Variants in ATOX1 observed in about 807,000 individuals in gnomAD.
ATOX1 encodes the protein antioxidant 1 copper chaperone, also known as copper transport protein ATOX1.
In ATOX1, 4 loss-of-function variants were observed where a neutral mutation model predicts 7.3. That is an observed-to-expected ratio of 0.55 (90% CI 0.27 to 1.25). The LOEUF (loss-of-function observed/expected upper bound fraction) is 1.25, where lower values mean the gene tolerates loss of function less well. Among genes scored for constraint, ATOX1 ranks in the 50% most tolerant of loss-of-function variants. ATOX1 has a pLI of 0.12. For synonymous variants in ATOX1, 25 were observed against 28.7 expected (o/e 0.87, Z 0.41); for missense variants, 68 against 81.6 (o/e 0.83, Z 0.64).
At chr5:151,749,957 A>G (rs910556835) in intron 2 of ATOX1, among the ~76,000 whole-genome samples, 5 of 152,278 alleles carry the variant, frequency 3.3e-5, no homozygotes, top group African/African-American at 1.2e-4. Flanking sequence ...TGGAAAGTAC[A>G]GCTCAGAGGA....
intron 1 of ATOX1, chr5:151,752,222 A>G: frequency 2.8e-6 from 2 of 702,556 alleles, no homozygotes; most frequent in Non-Finnish European, 5.2e-6. Context: ...CACTAGAGTC[A>G]CCTACAGCTT....
chr5:151,750,830 T>C (rs1303037964), intron 2 of ATOX1, among the ~76,000 whole-genome samples: 2 of 151,668 alleles, frequency 1.3e-5, no homozygotes, highest in Non-Finnish European at 1.5e-5. Flanking sequence ...TTGGTATTTT[T>C]TGTAGAGATG....
chr5:151,751,040 T>C (rs1390191192), intron 2 of ATOX1, among the ~76,000 whole-genome samples: 4 of 151,886 alleles, frequency 2.6e-5, no homozygotes, highest in African/African-American at 9.7e-5. Flanking sequence ...GCAGATCACC[T>C]GAGGTCAGGG....
chr5:151,757,707 C>A (rs1445082119), intron 1 of ATOX1, among the ~76,000 whole-genome samples: 1 of 152,200 alleles, frequency 6.6e-6, no homozygotes, highest in Non-Finnish European at 1.5e-5. Context: ...ACTGCTTTTG[C>A]CTGGCACCTC....
At chr5:151,754,980 CAAAA>C (rs79359321) in intron 1 of ATOX1, among the ~76,000 whole-genome samples, 3 of 48,880 alleles carry the variant, frequency 6.1e-5, no homozygotes, top group East Asian at 5.5e-4. Context: ...AGACACCGTC[CAAAA>C]AAAAAAAAAA....
chr5:151,746,514 G>T (rs536823839), intron 2 of ATOX1, 65 bp from the exon 3 acceptor site: 2 of 1,599,444 alleles, frequency 1.3e-6, no homozygotes, highest in African/African-American at 1.3e-5. Context: ...CAGCAAGAAA[G>T]AGTTCAGGCT....
At chr5:151,756,413 TTTCTC>T (rs940620591) in intron 1 of ATOX1, among the ~76,000 whole-genome samples, 61 of 151,778 alleles carry the variant, frequency 4.0e-4, no homozygotes, top group African/African-American at 5.3e-4. Flanking sequence ...TGCCTATAGT[TTTCTC>T]TTCTCTTCTC....
Position 151,758,560 on chromosome 5 carries a change from C to G in ATOX1, c.-9G>C, listed in dbSNP as rs377261938. 2 of 1,428,426 alleles carry G rather than the reference C, an allele frequency of 1.4e-6. No homozygotes were observed. The highest frequency in any genetic ancestry group is 9.2e-7 in the Non-Finnish European group (1 of 1,086,448). 88.5% of individuals were successfully genotyped at this position (1,428,426 alleles called of 1,614,324 possible). ...CAACCACTCACCGGCATGACTGAGG[C>G]AGCGGCGGTGTGGCGGCGGTGTGGC... On this transcript the variant is annotated 5_prime_UTR_variant, in exon 1 of 4. Coordinates refer to ENST00000313115, the MANE Select transcript of ATOX1 (RefSeq NM_004045.4).
Position 151,751,759 on chromosome 5 carries a change from G to A in ATOX1, c.27C>T (p.Asp9=). Residue 9 remains aspartate (D), a synonymous_variant, in exon 2 of 4, where the codon GAC becomes GAT. Coordinates refer to ENST00000313115, the MANE Select transcript of ATOX1 (RefSeq NM_004045.4). Reference sequence around the variant, plus strand: ...CTTCAGCACAGCCTCCACAGGTCATGTCCACAGAGAACTCGTGCTTCTGAA... The same window carrying A: ...CTTCAGCACAGCCTCCACAGGTCATATCCACAGAGAACTCGTGCTTCTGAA... MPKHEFSV[D]MTCGGCAEAV... 1 of 1,609,002 alleles carries A rather than the reference G, an allele frequency of 6.2e-7. No homozygotes were observed. The highest frequency in any genetic ancestry group is 1.1e-5 in the South Asian group (1 of 89,602).
At chr5:151,745,058 A>C (rs1166651664) in intron 3 of ATOX1, 6 of 152,222 alleles carry the variant, frequency 3.9e-5, no homozygotes, top group African/African-American at 1.4e-4. Context: ...TATGGGTTCT[A>C]TCTATGGATG....
chr5:151,755,111 G>A (rs989086464), intron 1 of ATOX1, among the ~76,000 whole-genome samples: 3 of 151,346 alleles, frequency 2.0e-5, no homozygotes, highest in African/African-American at 7.3e-5. Flanking sequence ...AGACTAAAAT[G>A]TTTACTATCG....
chr5:151,747,073 T>A (rs1761887432), intron 2 of ATOX1, among the ~76,000 whole-genome samples: 1 of 151,776 alleles, frequency 6.6e-6, no homozygotes, highest in South Asian at 2.1e-4. Flanking sequence ...TAGACACTTT[T>A]TTTTTTTTTT....
rs199562512 is a variant in ATOX1 at position 151,749,687 on chromosome 5, A to C, written c.82+2017T>G. Among the ~76,000 whole-genome samples, 4 of 152,020 alleles carry C rather than the reference A, an allele frequency of 2.6e-5. No individual in the cohort carries two copies. The East Asian group carries it at 7.7e-4, about 29-fold the overall frequency. ...AAAAAAAAAAAAAAAGAAAAAGAAA[A>C]AAAAAAGCATCAACAGCAAAAGCTG... is the stretch of plus-strand genomic sequence containing the variant. On this transcript the variant is annotated intron_variant, in intron 2 of 3. Coordinates refer to ENST00000313115, the MANE Select transcript of ATOX1 (RefSeq NM_004045.4).
intron 2 of ATOX1, among the ~76,000 whole-genome samples, chr5:151,750,981 G>A (rs981345080): frequency 1.3e-5 from 2 of 151,918 alleles, no homozygotes; most frequent in African/African-American, 2.4e-5. Flanking sequence ...TAGAGGCTGC[G>A]TAGGGTGGCT....
chr5:151,749,993 GA>G (rs1761927466), intron 2 of ATOX1, among the ~76,000 whole-genome samples: 1 of 152,206 alleles, frequency 6.6e-6, no homozygotes, highest in African/African-American at 2.4e-5. Flanking sequence ...CGTCCATGTG[GA>G]AGCCATTTGA....
intron 2 of ATOX1, among the ~76,000 whole-genome samples, chr5:151,750,849 C>T (rs530206859): frequency 9.9e-5 from 15 of 151,830 alleles, no homozygotes; most frequent in Admixed American, 9.2e-4. Flanking sequence ...TGGCATTTTA[C>T]CATGTTGCCC....
chr5:151,746,580 ACTT>A (rs1463258360), intron 2 of ATOX1, 131 bp from the exon 3 acceptor site: 7 of 1,237,964 alleles, frequency 5.7e-6, no homozygotes, highest in Admixed American at 4.3e-5. Context: ...GGATCGGCAA[ACTT>A]CTTCTGTAAC....
rs28917184 is a variant in ATOX1, at chr5:151,754,878, A to G, written c.7-3099T>C. On this transcript the variant is annotated intron_variant, in intron 1 of 3. Coordinates refer to ENST00000313115, the MANE Select transcript of ATOX1 (RefSeq NM_004045.4). ...ATGCGCCTGTAGTCCCAGCTACTCA[A>G]GAGGCTGAGGCAGGAGAATCGCTTG... 3.4e-4 allele frequency among the ~76,000 whole-genome samples: 51 copies of G among 150,742 alleles called. No individual in the cohort carries two copies. The East Asian group carries it at 9.6e-3, about 28-fold the overall frequency.
chr5:151,754,180 T>C (rs1761983892), intron 1 of ATOX1: 1 of 152,220 alleles, frequency 6.6e-6, no homozygotes, highest in Admixed American at 6.5e-5. Context: ...AATATGAGCA[T>C]CACCTGAGAG....
Sources: allele counts gnomAD v4.1 joint callset (sites outside exome capture counted in the v4.1 genomes callset), GRCh38; gene constraint gnomAD v4.1.1; transcripts MANE v1.5; gene names NCBI Gene and HGNC (gene_info 2026-07-23, HGNC 2026-07-21).